Variants in PXDNL observed in about 807,000 individuals in gnomAD.
PXDNL encodes the protein peroxidasin like.
A neutral mutation model predicts 150.8 loss-of-function variants in PXDNL; 145 were observed. The observed-to-expected ratio is 0.96, with a 90% CI of 0.84 to 1.10. The LOEUF (loss-of-function observed/expected upper bound fraction) is 1.10. PXDNL is among the 50% of genes least tolerant of loss of function. The probability of loss-of-function intolerance (pLI) is 0.00; values close to 1 mark genes in which losing one functional copy is unlikely to be tolerated. For synonymous variants in PXDNL, 757 were observed against 725.7 expected (o/e 1.04, Z -0.69); for missense variants, 2,087 against 1,873.9 (o/e 1.11, Z -2.10).
intron 2 of PXDNL, among the ~76,000 whole-genome samples, chr8:51,592,943 T>G (rs1246529299): frequency 6.6e-6 from 1 of 152,168 alleles, no homozygotes; most frequent in African/African-American, 2.4e-5. Flanking sequence ...AAAACAACAC[T>G]GCAACCCAGA....
chr8:51,700,589 TATACACACATACAG>T (rs2130880779), intron 1 of PXDNL, among the ~76,000 whole-genome samples: 1 of 149,252 alleles, frequency 6.7e-6, no homozygotes, highest in Non-Finnish European at 1.5e-5. Context: ...TATACACACA[TATACACACATACAG>T]ACACAAATAC....
chr8:51,429,979 A>T (rs1212248918), intron 12 of PXDNL, among the ~76,000 whole-genome samples: 1 of 152,132 alleles, frequency 6.6e-6, no homozygotes, highest in East Asian at 1.9e-4. Flanking sequence ...CATAATGGAC[A>T]TCTCATGAGA....
In PXDNL at chr8:51,486,781, TATATATATATATA is replaced by T. The variant is rs1464150183; in HGVS notation, c.453-3080_453-3068del. Among the ~76,000 whole-genome samples, 184 of 21,902 alleles carry T rather than the reference TATATATATATATA, an allele frequency of 8.4e-3. 12 individuals are homozygous for T. The highest frequency in any genetic ancestry group is 0.038 in the East Asian group (15 of 392). The allele number at this position is 21,902 out of a possible 152,430, so 14.4% of individuals were successfully genotyped here. A position where few individuals can be genotyped will look rare whatever the true frequency, so the allele number is the denominator to read the frequency against. ...ATATATATATATATATATATATATATATATATATATATATTTTTTTTTTTTTTTTTTTTTTTTT... is the reference window on the plus strand; with the variant it reads ...ATATATATATATATATATATATATATTTTTTTTTTTTTTTTTTTTTTTTTT... On this transcript the variant is annotated intron_variant, in intron 5 of 22. Transcript: ENST00000356297.
At chr8:51,435,747 G>T in intron 12 of PXDNL, 1 of 384,466 alleles carries the variant, frequency 2.6e-6, no homozygotes, top group South Asian at 2.3e-5. Flanking sequence ...TGGATCCCAG[G>T]CCCCGTTTGC....
At chr8:51,796,912 G>A (rs1018227128) in intron 1 of PXDNL, among the ~76,000 whole-genome samples, 5 of 152,144 alleles carry the variant, frequency 3.3e-5, no homozygotes, top group Non-Finnish European at 7.4e-5. Context: ...GAGTATCAAT[G>A]CAAAAATCCT....
At chr8:51,637,909 CA>C (rs1216091085) in intron 2 of PXDNL, among the ~76,000 whole-genome samples, 1 of 152,068 alleles carries the variant, frequency 6.6e-6, no homozygotes, top group Non-Finnish European at 1.5e-5. Context: ...TCAGATTCAC[CA>C]AAGTTGAAAT....
At chr8:51,582,346 G>A (rs1813227723) in intron 3 of PXDNL, among the ~76,000 whole-genome samples, 1 of 152,100 alleles carries the variant, frequency 6.6e-6, no homozygotes, top group Non-Finnish European at 1.5e-5. Context: ...TTTGTTGGTT[G>A]AGCCATCTAG....
At chr8:51,534,461 G>GAC in intron 4 of PXDNL, among the ~76,000 whole-genome samples, 1 of 92,382 alleles carries the variant, frequency 1.1e-5, no homozygotes, top group African/African-American at 6.0e-5. Context: ...CCGGCCAGCC[G>GAC]CCCCGTCCGG....
chr8:51,331,556 C>T (rs1220503348), intron 21 of PXDNL, among the ~76,000 whole-genome samples: 2 of 152,244 alleles, frequency 1.3e-5, no homozygotes, highest in East Asian at 3.9e-4. Flanking sequence ...CCTTTTCTTT[C>T]GTAGCTGGGA....
intron 5 of PXDNL, among the ~76,000 whole-genome samples, chr8:51,490,678 A>G (rs1469373934): frequency 6.7e-6 from 1 of 150,230 alleles, no homozygotes; most frequent in Non-Finnish European, 1.5e-5. Context: ...ATATATATAC[A>G]TATATACACA....
At chr8:51,604,946 C>T (rs117070965) in intron 2 of PXDNL, among the ~76,000 whole-genome samples, 2,167 of 152,064 alleles carry the variant, frequency 0.014, 22 homozygotes, top group Non-Finnish European at 0.021. Flanking sequence ...TAATCCATGA[C>T]AATTATATAA....
At chr8:51,773,396 G>A (rs1049453948) in intron 1 of PXDNL, among the ~76,000 whole-genome samples, 2 of 152,186 alleles carry the variant, frequency 1.3e-5, no homozygotes, top group Non-Finnish European at 2.9e-5. Context: ...CACAGACACA[G>A]GCTTCTGTGG....
At chr8:51,343,715 A>G (rs1806058962) in intron 20 of PXDNL, among the ~76,000 whole-genome samples, 1 of 152,176 alleles carries the variant, frequency 6.6e-6, no homozygotes, top group Admixed American at 6.5e-5. Context: ...ACTGGAAGGG[A>G]CTGATCCCCA....
At chr8:51,744,196 GA>G (rs1253983574) in intron 1 of PXDNL, among the ~76,000 whole-genome samples, 1 of 134,268 alleles carries the variant, frequency 7.4e-6, no homozygotes, top group African/African-American at 2.8e-5. Flanking sequence ...AAGAGAGAAA[GA>G]AAAAAGAAAA....
intron 3 of PXDNL, among the ~76,000 whole-genome samples, chr8:51,591,858 T>C (rs1813451247): frequency 1.3e-5 from 2 of 152,196 alleles, no homozygotes; most frequent in South Asian, 4.1e-4. Flanking sequence ...GACCTCGTGA[T>C]CCGCCCGCCT....
intron 2 of PXDNL, among the ~76,000 whole-genome samples, chr8:51,638,919 C>T (rs984192467): frequency 6.6e-6 from 1 of 152,204 alleles, no homozygotes. Flanking sequence ...CACCACATCA[C>T]AATTATTCCA....
At chr8:51,559,423 C>CCA (rs946198532) in intron 3 of PXDNL, among the ~76,000 whole-genome samples, 4 of 149,284 alleles carry the variant, frequency 2.7e-5, no homozygotes, top group Non-Finnish European at 4.4e-5. Flanking sequence ...TTCCCGTTTC[C>CCA]CATAGGATAA....
intron 1 of PXDNL, among the ~76,000 whole-genome samples, chr8:51,695,930 G>A (rs1248146958): frequency 1.3e-5 from 2 of 152,094 alleles, no homozygotes; most frequent in South Asian, 2.1e-4. Flanking sequence ...CAGTTTCCTC[G>A]GGGAACAGAA....
At chr8:51,771,992 T>C (rs13270008) in intron 1 of PXDNL, among the ~76,000 whole-genome samples, 76,935 of 151,708 alleles carry the variant, frequency 0.51, 23,783 homozygotes, top group Non-Finnish European at 0.68. Flanking sequence ...GAGTGGGTCA[T>C]GTGAGGAGGT....
Sources: gnomAD v4.1 joint callset for allele counts (sites outside exome capture counted in the v4.1 genomes callset) on GRCh38, gnomAD v4.1.1 for gene constraint, MANE v1.5 for transcripts, NCBI Gene and HGNC (gene_info 2026-07-23, HGNC 2026-07-21) for gene names.